The following LMO3 variants were observed in gnomAD, a reference collection of about 807,000 sequenced individuals.
The protein encoded by LMO3 is LIM domain only 3.
In LMO3, 2 loss-of-function variants were observed where a neutral mutation model predicts 15.8. The observed-to-expected ratio is 0.13, with a 90% CI of 0.05 to 0.40. The LOEUF (loss-of-function observed/expected upper bound fraction) is 0.40, where lower values mean the gene tolerates loss of function less well. Ranked by LOEUF, LMO3 falls within the 10% of genes least tolerant of loss-of-function variation. The pLI is 0.99. For synonymous variants in LMO3, 62 were observed against 63.8 expected, an observed-to-expected ratio of 0.97 and a Z score of 0.13; for missense variants, 86 against 182.2, an observed-to-expected ratio of 0.47 and a Z score of 3.04.
intron 2 of LMO3, chr12:16,567,265 T>G (rs902972588): frequency 6.1e-6 from 1 of 164,472 alleles, no homozygotes; most frequent in Non-Finnish European, 1.3e-5. Flanking sequence ...CAGCAATAAT[T>G]CATGGTATTG....
chr12:16,568,040 GA>G (rs1290517004), intron 2 of LMO3, among the ~76,000 whole-genome samples: 1 of 152,104 alleles, frequency 6.6e-6, no homozygotes, highest in African/African-American at 2.4e-5. Flanking sequence ...TGGAATTCTT[GA>G]GATCTAGACT....
At chr12:16,566,038 A>G (rs11056998) in intron 2 of LMO3, among the ~76,000 whole-genome samples, 20,367 of 90,146 alleles carry the variant, frequency 0.23, 3,129 homozygotes, top group South Asian at 0.32. Flanking sequence ...ATATATATAT[A>G]TAAAATGGAG....
At chr12:16,595,566 A>G (rs914167407) in intron 2 of LMO3, among the ~76,000 whole-genome samples, 14 of 151,572 alleles carry the variant, frequency 9.2e-5, no homozygotes, top group African/African-American at 3.1e-4. Context: ...AATATTTAAA[A>G]CAGAATTCAA....
intron 2 of LMO3, among the ~76,000 whole-genome samples, chr12:16,563,753 C>A (rs1181138771): frequency 2.0e-5 from 3 of 151,958 alleles, no homozygotes; most frequent in Non-Finnish European, 4.4e-5. Flanking sequence ...CTGAGACAGA[C>A]AAAGCATTAT....
intron 2 of LMO3, among the ~76,000 whole-genome samples, chr12:16,574,866 A>G (rs1565494935): frequency 6.6e-6 from 1 of 152,104 alleles, no homozygotes. Context: ...CATGTCTAAG[A>G]TCTCATAGTC....
intron 2 of LMO3, among the ~76,000 whole-genome samples, chr12:16,570,916 G>T (rs1942792027): frequency 6.6e-6 from 1 of 152,068 alleles, no homozygotes; most frequent in South Asian, 2.1e-4. Flanking sequence ...TCAAGAAAAA[G>T]TGCTGTGTAG....
At position 16,591,632 on chromosome 12, in the gene LMO3, GCAAGAGGTAT is replaced by G. The variant is rs1406879986; in HGVS notation, c.206+9013_206+9022del. Among the ~76,000 whole-genome samples, 1 of 152,016 alleles carries G rather than the reference GCAAGAGGTAT, an allele frequency of 6.6e-6. No individual in the cohort carries two copies. The highest frequency in any genetic ancestry group is 2.4e-5 in the African/African-American group (1 of 41,398). On this transcript the variant is annotated intron_variant, in intron 2 of 3. Transcript: ENST00000537304. This position sits in a 1 kb window ranked among gnomAD's most constrained non-coding sequence, Gnocchi z 4.1. ...AAATGGGAATGGGGATGATTGTTTT[GCAAGAGGTAT>G]CAATTGTACAAGGAAAGATAAGCAT...
At position 16,593,663 on chromosome 12, in the gene LMO3, G is replaced by C. The variant is rs547366494; in HGVS notation, c.206+6992C>G. On this transcript the variant is annotated intron_variant, in intron 2 of 3. Coordinates refer to ENST00000537304, the MANE Select transcript of LMO3 (RefSeq NM_018640.5). This position sits in a 1 kb window ranked among gnomAD's most constrained non-coding sequence, Gnocchi z 4.2. ...TAGTTAGTTTGTGAAGATAGAAAAC[G>C]TTTGGCTTCTATAATAAGAGGATAT... 1.3e-5 allele frequency among the ~76,000 whole-genome samples: 2 copies of C among 151,726 alleles called. No individual in the cohort carries two copies. Among genetic ancestry groups the C allele is most frequent in the Non-Finnish European group, 3.0e-5 (2 of 67,750 alleles).
Position 16,584,705 on chromosome 12 carries a change from T to G in LMO3, c.206+15950A>C, listed in dbSNP as rs903546399. On this transcript the variant is annotated intron_variant, in intron 2 of 3. Transcript: ENST00000537304. The surrounding 1 kb of genome is among the most constrained non-coding windows in gnomAD (Gnocchi z 5.2). ...ACATATTGCAATGGCTGCCATGAAGTTCAAGAAACAGCAAGAGATTTCTTT... is the reference window on the plus strand; with the variant it reads ...ACATATTGCAATGGCTGCCATGAAGGTCAAGAAACAGCAAGAGATTTCTTT... Among the ~76,000 whole-genome samples the G allele has an allele frequency of 6.6e-6, 1 of 152,100 alleles. No homozygotes were observed. The highest frequency in any genetic ancestry group is 1.5e-5 in the Non-Finnish European group (1 of 68,028).
intron 2 of LMO3, among the ~76,000 whole-genome samples, chr12:16,572,989 AT>A (rs988203101): frequency 4.2e-4 from 64 of 151,848 alleles, no homozygotes; most frequent in African/African-American, 1.5e-3. Flanking sequence ...GAAAGTAGAG[AT>A]TTTTTTAAAG....
At position 16,596,181 on chromosome 12, in the gene LMO3, TTATTA is replaced by T. The variant is rs1445190928; in HGVS notation, c.206+4469_206+4473del. 3.3e-5 allele frequency among the ~76,000 whole-genome samples: 5 copies of T among 151,424 alleles called. No homozygotes were observed. Among genetic ancestry groups the T allele is most frequent in the Admixed American group, 2.0e-4 (3 of 15,192 alleles). Reference sequence around the variant, plus strand: ...TTTATTTTTATTTTCTCTTTTAGAGTTATTATATTATTATATTAAAGCCTATAAAA... The same window carrying T: ...TTTATTTTTATTTTCTCTTTTAGAGTTATTATTATATTAAAGCCTATAAAA... On this transcript the variant is annotated intron_variant, in intron 2 of 3. Coordinates refer to ENST00000537304, the MANE Select transcript of LMO3 (RefSeq NM_018640.5). This position sits in a 1 kb window ranked among gnomAD's most constrained non-coding sequence, Gnocchi z 4.3.
chr12:16,594,485 T>C (rs1943588540), intron 2 of LMO3, among the ~76,000 whole-genome samples: 2 of 151,632 alleles, frequency 1.3e-5, no homozygotes, highest in African/African-American at 2.4e-5. Context: ...CATTTACACT[T>C]CATATATTGT....
At position 16,593,469 on chromosome 12, in the gene LMO3, G is replaced by T. The variant is rs752291173; in HGVS notation, c.206+7186C>A. 1.3e-5 allele frequency among the ~76,000 whole-genome samples: 2 copies of T among 151,746 alleles called. No homozygotes were observed. ...TAAACTTGTAAAGCCCACAACTAGA[G>T]ATTTTTGCATCAGAAAACACTAACA... is the stretch of plus-strand genomic sequence containing the variant. On this transcript the variant is annotated intron_variant, in intron 2 of 3. Coordinates refer to ENST00000537304, the MANE Select transcript of LMO3 (RefSeq NM_018640.5). The surrounding 1 kb of genome is among the most constrained non-coding windows in gnomAD (Gnocchi z 4.2).
upstream of LMO3, chr12:16,609,616 A>C (rs1224142985): frequency 2.0e-5 from 3 of 152,140 alleles, no homozygotes; most frequent in Non-Finnish European, 4.4e-5. Context: ...AAAAAAAGGC[A>C]GACTGTCTTC....
intron 2 of LMO3, among the ~76,000 whole-genome samples, chr12:16,581,358 C>G (rs1943152127): frequency 6.6e-6 from 1 of 152,138 alleles, no homozygotes; most frequent in Non-Finnish European, 1.5e-5. Context: ...GCCTTCTTCT[C>G]TAAAATGGGT....
At position 16,596,129 on chromosome 12, in the gene LMO3, C is replaced by T. The variant is rs1943647610; in HGVS notation, c.206+4526G>A. Among the ~76,000 whole-genome samples the T allele has an allele frequency of 1.3e-5, 2 of 151,546 alleles. No homozygotes were observed. The highest frequency in any genetic ancestry group is 4.8e-5 in the African/African-American group (2 of 41,464). ...GTTTGATCAGCGTGAGATAAAGTTACAGCTAGATTTATGCCCTATGTGGCA... is the reference window on the plus strand; with the variant it reads ...GTTTGATCAGCGTGAGATAAAGTTATAGCTAGATTTATGCCCTATGTGGCA... On this transcript the variant is annotated intron_variant, in intron 2 of 3. Transcript: ENST00000537304. This position sits in a 1 kb window ranked among gnomAD's most constrained non-coding sequence, Gnocchi z 4.3.
intron 2 of LMO3, among the ~76,000 whole-genome samples, chr12:16,561,188 T>A (rs1478941676): frequency 2.6e-5 from 4 of 152,072 alleles, no homozygotes; most frequent in Admixed American, 2.6e-4. Flanking sequence ...GTCTAGGATT[T>A]AAAAAAAATT....
intron 3 of LMO3, among the ~76,000 whole-genome samples, chr12:16,553,231 G>C (rs1412987424): frequency 2.0e-5 from 3 of 152,064 alleles, no homozygotes; most frequent in Non-Finnish European, 1.5e-5. Context: ...TCAAAGCCCT[G>C]CCCAAGATTC....
chr12:16,557,524 T>A (rs896261436), intron 3 of LMO3, among the ~76,000 whole-genome samples: 3 of 152,124 alleles, frequency 2.0e-5, no homozygotes, highest in Admixed American at 6.5e-5. Flanking sequence ...GTTATATACC[T>A]TGTTTAAGTA....
Sources: gnomAD v4.1 joint callset for allele counts (sites outside exome capture counted in the v4.1 genomes callset) on GRCh38, gnomAD v4.1.1 for gene constraint, Gnocchi (gnomAD v3.1) non-coding constraint, MANE v1.5 for transcripts, NCBI Gene and HGNC (gene_info 2026-07-23, HGNC 2026-07-21) for gene names.